BLK: variants seen among roughly 807,000 people sequenced by gnomAD.
BLK encodes tyrosine-protein kinase Blk.
In BLK, 64 loss-of-function variants were observed where a neutral mutation model predicts 61.8. The ratio of observed to expected loss-of-function variants is 1.03; its 90% CI spans 0.85 to 1.27. The LOEUF (loss-of-function observed/expected upper bound fraction) is 1.27, where lower values mean the gene tolerates loss of function less well. Ranked by LOEUF, BLK falls within the 50% of genes most tolerant of loss-of-function variation. The probability of loss-of-function intolerance (pLI) is 0.00; values close to 1 mark genes in which losing one functional copy is unlikely to be tolerated. For synonymous variants in BLK, 351 were observed against 272.0 expected (o/e 1.29, Z -2.86); for missense variants, 853 against 660.5 (o/e 1.29, Z -3.19).
At chr8:11,517,972 G>C (rs775414541) in intron 1 of BLK, among the ~76,000 whole-genome samples, 2 of 152,224 alleles carry the variant, frequency 1.3e-5, no homozygotes, top group Admixed American at 6.5e-5. Flanking sequence ...GCTTCTAGAG[G>C]CATCATCAGA....
chr8:11,545,548 C>CA (rs973399289), intron 2 of BLK, among the ~76,000 whole-genome samples: 4 of 151,242 alleles, frequency 2.6e-5, no homozygotes, highest in South Asian at 4.2e-4. Flanking sequence ...GACTCCATCT[C>CA]AAAAAAAAAT....
At chr8:11,519,478 G>T (rs1799354532) in intron 1 of BLK, among the ~76,000 whole-genome samples, 1 of 152,176 alleles carries the variant, frequency 6.6e-6, no homozygotes, top group Non-Finnish European at 1.5e-5. Context: ...ATGTAGTAGG[G>T]AAATGTCAAA....
rs76085840 is a variant in BLK at position 11,543,327 on chromosome 8, G to T, written c.103G>T (p.Ala35Ser). 3.1e-6 allele frequency: 5 copies of T among 1,609,772 alleles called. No individual in the cohort carries two copies. The East Asian group carries it at 6.7e-5, about 22-fold the overall frequency. ...GAAGGTCAGCGCCCAAGACAAGGAC[G>T]CCCCGCCACTGCCGCCCCTGGTGAG... ...PLKVSAQDKD[A>S]PPLPPLVVFN... Residue 35 changes from alanine to serine, a missense_variant, in exon 2 of 13, where the codon GCC becomes TCC. Ala to Ser is a moderately conservative substitution (Grantham distance 99). Transcript: ENST00000259089.
At chr8:11,555,623 T>C (rs1801174865) in intron 8 of BLK, 139 bp downstream of exon 8, 1 of 1,350,370 alleles carries the variant, frequency 7.4e-7, no homozygotes, top group Non-Finnish European at 1.0e-6. Flanking sequence ...GCGAGGACAC[T>C]CATTTTACAG....
chr8:11,538,151 C>A (rs560880996), intron 1 of BLK, among the ~76,000 whole-genome samples: 5 of 152,322 alleles, frequency 3.3e-5, no homozygotes, highest in Admixed American at 2.0e-4. Context: ...CTCGCTCTCA[C>A]ACACACACAA....
intron 5 of BLK, 118 bp from the exon 6 acceptor site, chr8:11,550,041 G>A (rs1486584126): frequency 1.1e-6 from 1 of 930,824 alleles, no homozygotes. Flanking sequence ...GGGCCGACTG[G>A]GACCAGAAAT....
At chr8:11,496,590 G>C (rs1466104417) in intron 1 of BLK, among the ~76,000 whole-genome samples, 1 of 152,162 alleles carries the variant, frequency 6.6e-6, no homozygotes, top group Non-Finnish European at 1.5e-5. Flanking sequence ...CTGCAGGACG[G>C]AATACACTCT....
intron 1 of BLK, among the ~76,000 whole-genome samples, chr8:11,535,249 GA>G (rs1800067477): frequency 9.2e-6 from 1 of 108,888 alleles, no homozygotes; most frequent in Non-Finnish European, 1.9e-5. Flanking sequence ...AGAAGGAAAG[GA>G]AAGAAAGAAA....
At chr8:11,550,357 C>A in intron 6 of BLK, 95 bp downstream of exon 6, 2 of 1,209,274 alleles carry the variant, frequency 1.7e-6, no homozygotes, top group Non-Finnish European at 1.2e-6. Context: ...GAAGGGGTGA[C>A]TGCCAGGAGA....
chr8:11,561,600 A>G (rs1661877101), intron 11 of BLK, 148 bp downstream of exon 11: 1 of 1,099,290 alleles, frequency 9.1e-7, no homozygotes, highest in African/African-American at 1.6e-5. Context: ...CATTTCCTTC[A>G]TTTACCCAAA....
chr8:11,504,899 C>G (rs1334135597), intron 1 of BLK, among the ~76,000 whole-genome samples: 3 of 152,198 alleles, frequency 2.0e-5, no homozygotes, highest in Non-Finnish European at 4.4e-5. Flanking sequence ...GGCCATGTTT[C>G]AGGCAAGGGG....
chr8:11,521,823 G>A (rs1160142749), intron 1 of BLK, among the ~76,000 whole-genome samples: 1 of 152,098 alleles, frequency 6.6e-6, no homozygotes, highest in Non-Finnish European at 1.5e-5. Flanking sequence ...CATTACTGCA[G>A]CTTTTAGTAA....
intron 1 of BLK, among the ~76,000 whole-genome samples, chr8:11,504,542 C>T (rs752532143): frequency 2.8e-4 from 42 of 152,150 alleles, no homozygotes; most frequent in South Asian, 6.2e-4. Flanking sequence ...GCTGGTTATC[C>T]GTGTGTAATG....
At chr8:11,513,940 A>G (rs1799124227) in intron 1 of BLK, among the ~76,000 whole-genome samples, 1 of 152,180 alleles carries the variant, frequency 6.6e-6, no homozygotes, top group Admixed American at 6.5e-5. Flanking sequence ...CTTGGAAATA[A>G]TTCAACTCCT....
intron 1 of BLK, among the ~76,000 whole-genome samples, chr8:11,534,215 G>C (rs1800017641): frequency 1.3e-5 from 2 of 152,194 alleles, no homozygotes. Flanking sequence ...CCCATGATTT[G>C]ATTTCTCATT....
intron 1 of BLK, among the ~76,000 whole-genome samples, chr8:11,520,558 T>TA (rs1799409658): frequency 8.8e-6 from 1 of 113,420 alleles, no homozygotes; most frequent in Admixed American, 8.1e-5. Context: ...AAAGGAAACA[T>TA]AATCAAAGGC....
chr8:11,498,548 G>C (rs964329922), intron 1 of BLK, among the ~76,000 whole-genome samples: 4 of 152,286 alleles, frequency 2.6e-5, no homozygotes, highest in African/African-American at 9.6e-5. Flanking sequence ...GAAAGGACTT[G>C]GACATAGAAG....
chr8:11,524,643 T>C (rs1172023656), intron 1 of BLK, among the ~76,000 whole-genome samples: 1 of 152,022 alleles, frequency 6.6e-6, no homozygotes. Context: ...TCAACAAAAA[T>C]TAAGGGAAGA....
At chr8:11,560,248 T>C (rs1801441141) in intron 10 of BLK, 1 of 50,764 alleles carries the variant, frequency 2.0e-5, no homozygotes, top group African/African-American at 8.7e-5. Context: ...GGTGGATGGA[T>C]GGATGGGTGG....
Sources: gnomAD v4.1 joint callset for allele counts (sites outside exome capture counted in the v4.1 genomes callset) on GRCh38, gnomAD v4.1.1 for gene constraint, MANE v1.5 for transcripts, NCBI Gene and HGNC (gene_info 2026-07-23, HGNC 2026-07-21) for gene names.